SLC22A3: variants seen among roughly 807,000 people sequenced by gnomAD.
The protein encoded by SLC22A3 is EMT organic cation transporter 3.
A neutral mutation model predicts 59.1 loss-of-function variants in SLC22A3; 51 were observed. The ratio of observed to expected loss-of-function variants is 0.86; its 90% CI spans 0.69 to 1.09. The LOEUF (loss-of-function observed/expected upper bound fraction) is 1.09. Ranked by LOEUF, SLC22A3 falls within the 50% of genes least tolerant of loss-of-function variation. The pLI is 0.00. For missense variants in SLC22A3, 711 were observed against 726.3 expected (o/e 0.98, Z 0.24); for synonymous variants, 325 against 292.0 (o/e 1.11, Z -1.15).
chr6:160,377,449 C>T (rs1360070509), intron 1 of SLC22A3, among the ~76,000 whole-genome samples: 2 of 151,234 alleles, frequency 1.3e-5, no homozygotes, highest in East Asian at 1.9e-4. Context: ...CATGCCAACA[C>T]ACTCCAGCTG....
intron 5 of SLC22A3, among the ~76,000 whole-genome samples, chr6:160,414,777 T>C (rs1787400731): frequency 6.6e-6 from 1 of 152,188 alleles, no homozygotes; most frequent in South Asian, 2.1e-4. Flanking sequence ...CATGATTCAA[T>C]TACCTCTCAC....
At chr6:160,393,196 C>T (rs190086544) in intron 1 of SLC22A3, among the ~76,000 whole-genome samples, 104 of 152,044 alleles carry the variant, frequency 6.8e-4, no homozygotes, top group Admixed American at 1.4e-3. Context: ...TGGAAAAATC[C>T]AGCTGATGGT....
At chr6:160,378,283 T>C (rs1424607112) in intron 1 of SLC22A3, among the ~76,000 whole-genome samples, 1 of 152,232 alleles carries the variant, frequency 6.6e-6, no homozygotes, top group African/African-American at 2.4e-5. Context: ...AATATTTAAA[T>C]TCTGTAGGCT....
At chr6:160,438,351 G>T (rs1788425016) in intron 7 of SLC22A3, among the ~76,000 whole-genome samples, 1 of 152,118 alleles carries the variant, frequency 6.6e-6, no homozygotes, top group Non-Finnish European at 1.5e-5. Context: ...AAGGCAAAGT[G>T]GGGATTACAG....
intron 5 of SLC22A3, chr6:160,426,143 C>T: frequency 1.0e-6 from 1 of 985,418 alleles, no homozygotes. Context: ...TGCATCTAAA[C>T]TGATCTTCAA....
intron 7 of SLC22A3, among the ~76,000 whole-genome samples, chr6:160,439,249 C>T (rs1191027021): frequency 6.6e-6 from 1 of 152,148 alleles, no homozygotes; most frequent in Non-Finnish European, 1.5e-5. Flanking sequence ...GGAGACGTTA[C>T]TGTTCTATTT....
At chr6:160,394,774 C>A (rs1432825853) in intron 1 of SLC22A3, among the ~76,000 whole-genome samples, 1 of 151,596 alleles carries the variant, frequency 6.6e-6, no homozygotes, top group Non-Finnish European at 1.5e-5. Flanking sequence ...ACAGTTCCTG[C>A]AGTGTCCTGC....
At chr6:160,401,954 G>A (rs1330466269) in intron 2 of SLC22A3, among the ~76,000 whole-genome samples, 2 of 151,612 alleles carry the variant, frequency 1.3e-5, no homozygotes, top group Non-Finnish European at 3.0e-5. Context: ...GAAAAAGTGT[G>A]GAATACAAAC....
chr6:160,440,986 T>C lies in SLC22A3; in HGVS notation c.1289-1775T>C, dbSNP rs537953000. ...TGTGTGTGTGTTTTAATTTGGTCTCTGGCTTTTGTTTGGATTTTTCCATGA... is the reference window on the plus strand; with the variant it reads ...TGTGTGTGTGTTTTAATTTGGTCTCCGGCTTTTGTTTGGATTTTTCCATGA... On this transcript the variant is annotated intron_variant, in intron 7 of 10. Coordinates refer to ENST00000275300, the MANE Select transcript of SLC22A3 (RefSeq NM_021977.4). 6.6e-5 allele frequency among the ~76,000 whole-genome samples: 10 copies of C among 152,300 alleles called. No homozygotes were observed. In the South Asian group the frequency reaches 2.1e-3, roughly 32 times the overall value.
At chr6:160,385,806 A>G (rs2114805308) in intron 1 of SLC22A3, among the ~76,000 whole-genome samples, 2 of 152,336 alleles carry the variant, frequency 1.3e-5, no homozygotes, top group Middle Eastern at 6.8e-3. Flanking sequence ...CTCTCTGTCA[A>G]AACTTCCCCA....
chr6:160,354,361 G>A (rs147323494), intron 1 of SLC22A3, among the ~76,000 whole-genome samples: 37 of 152,344 alleles, frequency 2.4e-4, no homozygotes, highest in Non-Finnish European at 3.4e-4. Context: ...TGCTTGCAAA[G>A]TGCCTGGTCA....
intron 5 of SLC22A3, among the ~76,000 whole-genome samples, chr6:160,429,995 G>T (rs942012326): frequency 2.6e-5 from 4 of 151,946 alleles, no homozygotes; most frequent in Admixed American, 2.0e-4. Flanking sequence ...ACTCTCAAAT[G>T]TTATAAAACA....
chr6:160,407,320 G>A, intron 3 of SLC22A3, 125 bp downstream of exon 3: 1 of 1,002,178 alleles, frequency 1.0e-6, no homozygotes, highest in East Asian at 2.5e-5. Context: ...TGCAGCTACA[G>A]TAATTATTTC....
chr6:160,447,981 TA>T (rs371673111), intron 10 of SLC22A3, among the ~76,000 whole-genome samples, 163 bp downstream of exon 10: 16 of 151,610 alleles, frequency 1.1e-4, no homozygotes, highest in East Asian at 3.9e-4. Flanking sequence ...AAGGTTAACA[TA>T]AAAAAAACCC....
intron 2 of SLC22A3, among the ~76,000 whole-genome samples, chr6:160,400,663 C>T (rs1023557143): frequency 2.2e-4 from 34 of 151,898 alleles, no homozygotes; most frequent in South Asian, 8.3e-4. Flanking sequence ...AAAACACACA[C>T]ACACACACAC....
At chr6:160,420,917 C>T (rs1787705994) in intron 5 of SLC22A3, among the ~76,000 whole-genome samples, 1 of 152,216 alleles carries the variant, frequency 6.6e-6, no homozygotes, top group Non-Finnish European at 1.5e-5. Context: ...GTTGCTGAGC[C>T]TGTCTAGTTG....
At position 160,447,859 on chromosome 6, in the gene SLC22A3, T is replaced by C. The variant is rs778047802; in HGVS notation, c.1610+41T>C. The C allele has an allele frequency of 2.8e-6, 4 of 1,408,318 alleles. No homozygotes were observed. The Admixed American group carries it at 5.0e-5, about 18-fold the overall frequency. The allele number at this position is 1,408,318 out of a possible 1,614,324, so 87.2% of individuals were successfully genotyped here. A position where few individuals can be genotyped will look rare whatever the true frequency, so the allele number is the denominator to read the frequency against. ...CAATGCACCCTAAATAAAAGCAATA[T>C]TTAAAACCACGGGGGAAAGAATGAC... On this transcript the variant is annotated intron_variant, in intron 10 of 10. Coordinates refer to ENST00000275300, the MANE Select transcript of SLC22A3 (RefSeq NM_021977.4).
At chr6:160,356,325 A>G (rs115511418) in intron 1 of SLC22A3, among the ~76,000 whole-genome samples, 1 of 152,216 alleles carries the variant, frequency 6.6e-6, no homozygotes, top group Admixed American at 6.5e-5. Flanking sequence ...CTTGACTCCT[A>G]TCTGCTCATG....
intron 7 of SLC22A3, 37 bp from the exon 8 acceptor site, chr6:160,442,724 C>A: frequency 6.9e-7 from 1 of 1,447,452 alleles, no homozygotes; most frequent in Non-Finnish European, 9.7e-7. Context: ...GAAATCAGAC[C>A]CCTAACTCCT....
Sources: allele counts gnomAD v4.1 joint callset (sites outside exome capture counted in the v4.1 genomes callset), GRCh38; gene constraint gnomAD v4.1.1; transcripts MANE v1.5; gene names NCBI Gene and HGNC (gene_info 2026-07-23, HGNC 2026-07-21).